Variants in CHCHD6 observed in about 807,000 individuals in gnomAD.
CHCHD6 encodes the protein MICOS complex subunit MIC25.
A neutral mutation model predicts 32.3 loss-of-function variants in CHCHD6; 28 were observed. The observed-to-expected ratio is 0.87, with a 90% CI of 0.64 to 1.19. The LOEUF (loss-of-function observed/expected upper bound fraction) is 1.19. Ranked by LOEUF, CHCHD6 falls within the 50% of genes most tolerant of loss-of-function variation. The probability of loss-of-function intolerance (pLI) is 0.00; values close to 1 mark genes in which losing one functional copy is unlikely to be tolerated. For missense variants in CHCHD6, 333 were observed against 307.0 expected (o/e 1.08, Z -0.63); for synonymous variants, 122 against 117.5 (o/e 1.04, Z -0.25).
At chr3:126,738,565 T>C (rs189663938) in intron 4 of CHCHD6, among the ~76,000 whole-genome samples, 65 of 152,312 alleles carry the variant, frequency 4.3e-4, no homozygotes, top group African/African-American at 1.5e-3. Context: ...TTGGTCTTTG[T>C]AGTGCTGAGC....
chr3:126,789,810 T>G (rs1304181100), intron 4 of CHCHD6, among the ~76,000 whole-genome samples: 27 of 152,228 alleles, frequency 1.8e-4, no homozygotes, highest in Admixed American at 1.8e-3. Context: ...AATTGGAACA[T>G]TTAGCCCATT....
chr3:126,871,073 A>G (rs535594608), intron 5 of CHCHD6, among the ~76,000 whole-genome samples: 144 of 152,242 alleles, frequency 9.5e-4, no homozygotes, highest in Non-Finnish European at 1.6e-3. Flanking sequence ...TTCTCTCACA[A>G]TCTCTTCCCT....
At chr3:126,706,378 A>C (rs1376875515) in intron 1 of CHCHD6, among the ~76,000 whole-genome samples, 1 of 152,204 alleles carries the variant, frequency 6.6e-6, no homozygotes, top group African/African-American at 2.4e-5. Context: ...AACTTCTGGG[A>C]CTTTAATTAA....
rs1161516171 is a variant in CHCHD6 at position 126,732,933 on chromosome 3, C to T, written c.267-145C>T. On this transcript the variant is annotated intron_variant, in intron 3 of 7. Coordinates refer to ENST00000290913, the MANE Select transcript of CHCHD6 (RefSeq NM_032343.3). ...TGTGGAATGATGGGGCATGCGGTTT[C>T]ACAGCACTCTCTCCTTTCCTGACCA... 5.0e-6 allele frequency: 4 copies of T among 804,210 alleles called. No homozygotes were observed. The African/African-American group carries it at 6.8e-5, about 14-fold the overall frequency. 49.8% of individuals were successfully genotyped at this position (804,210 alleles called of 1,614,324 possible).
intron 4 of CHCHD6, among the ~76,000 whole-genome samples, chr3:126,839,104 G>T (rs1036003757): frequency 6.6e-6 from 1 of 151,962 alleles, no homozygotes; most frequent in Admixed American, 6.6e-5. Context: ...TGCCTGAGCT[G>T]GTCTTGAACT....
intron 5 of CHCHD6, among the ~76,000 whole-genome samples, chr3:126,890,638 A>G (rs2077744587): frequency 6.6e-6 from 1 of 152,212 alleles, no homozygotes; most frequent in Non-Finnish European, 1.5e-5. Context: ...GTCCACTTGA[A>G]CAACAGTTCT....
intron 5 of CHCHD6, among the ~76,000 whole-genome samples, chr3:126,870,389 T>C (rs1306849716): frequency 1.3e-5 from 2 of 152,210 alleles, no homozygotes; most frequent in African/African-American, 4.8e-5. Flanking sequence ...GCCCCCTGTA[T>C]GTGTGGAGGT....
chr3:126,705,069 T>C (rs1934412259), intron 1 of CHCHD6, among the ~76,000 whole-genome samples: 1 of 152,186 alleles, frequency 6.6e-6, no homozygotes, highest in Non-Finnish European at 1.5e-5. Context: ...AGGGTGCCGC[T>C]GGCTCAGCTC....
intron 4 of CHCHD6, among the ~76,000 whole-genome samples, chr3:126,790,610 T>C (rs1162228748): frequency 6.6e-6 from 1 of 152,216 alleles, no homozygotes; most frequent in East Asian, 1.9e-4. Flanking sequence ...TCCAGCTGAT[T>C]GAATCAGCTA....
chr3:126,795,162 C>T (rs1412710482), intron 4 of CHCHD6, among the ~76,000 whole-genome samples: 1 of 152,082 alleles, frequency 6.6e-6, no homozygotes, highest in East Asian at 1.9e-4. Flanking sequence ...AGATAGCTGC[C>T]CACGTCTCCT....
intron 5 of CHCHD6, among the ~76,000 whole-genome samples, chr3:126,853,127 A>T (rs1941534879): frequency 6.6e-6 from 1 of 152,262 alleles, no homozygotes; most frequent in African/African-American, 2.4e-5. Context: ...CAAATACATT[A>T]AAGTTTTATT....
chr3:126,812,025 C>T (rs1939675865), intron 4 of CHCHD6, among the ~76,000 whole-genome samples: 1 of 151,872 alleles, frequency 6.6e-6, no homozygotes, highest in Non-Finnish European at 1.5e-5. Context: ...ATCGCTTTTA[C>T]TATAGTTATT....
At chr3:126,764,184 C>T (rs966367509) in intron 4 of CHCHD6, among the ~76,000 whole-genome samples, 5 of 134,104 alleles carry the variant, frequency 3.7e-5, no homozygotes, top group Admixed American at 8.1e-5. Context: ...TATACACATA[C>T]ATACATACAT....
chr3:126,710,096 A>G (rs777276243), intron 1 of CHCHD6, among the ~76,000 whole-genome samples: 1 of 152,218 alleles, frequency 6.6e-6, no homozygotes, highest in East Asian at 1.9e-4. Context: ...TACAAAATCA[A>G]TTGGTGGGTT....
chr3:126,801,522 A>G (rs1939070127), intron 4 of CHCHD6, among the ~76,000 whole-genome samples: 1 of 152,214 alleles, frequency 6.6e-6, no homozygotes, highest in South Asian at 2.1e-4. Flanking sequence ...GGCACCCGAC[A>G]TTGCCCAGGC....
chr3:126,895,800 G>A (rs575023035), intron 5 of CHCHD6, among the ~76,000 whole-genome samples: 2 of 152,316 alleles, frequency 1.3e-5, no homozygotes, highest in South Asian at 4.1e-4. Context: ...ACTTAGGTTG[G>A]TAGGAATAGG....
At chr3:126,877,087 A>G (rs544957841) in intron 5 of CHCHD6, among the ~76,000 whole-genome samples, 1 of 152,256 alleles carries the variant, frequency 6.6e-6, no homozygotes, top group South Asian at 2.1e-4. Context: ...AAGGGGGAAA[A>G]AGATAGAAGT....
intron 5 of CHCHD6, among the ~76,000 whole-genome samples, chr3:126,904,966 A>T (rs531348630): frequency 1.3e-5 from 2 of 152,148 alleles, no homozygotes; most frequent in Non-Finnish European, 2.9e-5. Flanking sequence ...ATGTGAGGTG[A>T]TGAGGCATGG....
At chr3:126,771,500 C>T (rs554648010) in intron 4 of CHCHD6, among the ~76,000 whole-genome samples, 40 of 152,308 alleles carry the variant, frequency 2.6e-4, no homozygotes, top group Middle Eastern at 3.4e-3. Context: ...TGAACCACCA[C>T]GCCTGGCCCC....
Sources: gnomAD v4.1 joint callset for allele counts (sites outside exome capture counted in the v4.1 genomes callset) on GRCh38, gnomAD v4.1.1 for gene constraint, MANE v1.5 for transcripts, NCBI Gene and HGNC (gene_info 2026-07-23, HGNC 2026-07-21) for gene names.